CEMIP2: variants seen among roughly 807,000 people sequenced by gnomAD.
CEMIP2 encodes cell migration inducing hyaluronidase 2.
CEMIP2 carries 79 observed loss-of-function variants against 146.9 expected under a neutral mutation model. That is an observed-to-expected ratio of 0.54 (90% CI 0.45 to 0.65). The LOEUF (loss-of-function observed/expected upper bound fraction) is 0.65. CEMIP2 is among the 30% of genes least tolerant of loss of function. CEMIP2 has a pLI of 0.00. For synonymous variants in CEMIP2, 601 were observed against 606.3 expected (o/e 0.99, Z 0.13); for missense variants, 1,596 against 1,696.2 (o/e 0.94, Z 1.04).
rs1554684773 is a variant in CEMIP2 at position 71,728,293 on chromosome 9, A to ATG, written c.2049+1551_2049+1552insCA. On this transcript the variant is annotated intron_variant, in intron 10 of 23. Transcript: ENST00000377044. Reference sequence around the variant, plus strand: ...TATATATATATATGTATATATATATATATATATACATATATATATATATAC... The same window carrying ATG: ...TATATATATATATGTATATATATATATGTATATATACATATATATATATATAC... Among the ~76,000 whole-genome samples, 39 of 39,572 alleles carry ATG rather than the reference A, an allele frequency of 9.9e-4. 6 individuals are homozygous for ATG. The highest frequency in any genetic ancestry group is 3.4e-3 in the African/African-American group (36 of 10,666). The allele number at this position is 39,572 out of a possible 152,430, so 26.0% of individuals were successfully genotyped here.
intron 4 of CEMIP2, among the ~76,000 whole-genome samples, chr9:71,743,465 T>C (rs770287456): frequency 6.6e-6 from 1 of 152,238 alleles, no homozygotes; most frequent in Non-Finnish European, 1.5e-5. Flanking sequence ...CTTTGAGGTT[T>C]TGCACATGGA....
At chr9:71,734,208 G>GGTTTTTTTTTTTT (rs374206725) in intron 6 of CEMIP2, among the ~76,000 whole-genome samples, 1 of 144,132 alleles carries the variant, frequency 6.9e-6, no homozygotes. Flanking sequence ...ATGAGTTTTT[G>GGTTTTTTTTTTTT]TTTTTGTTTT....
intron 10 of CEMIP2, among the ~76,000 whole-genome samples, chr9:71,728,662 G>A (rs1486271824): frequency 6.6e-6 from 1 of 151,726 alleles, no homozygotes; most frequent in Non-Finnish European, 1.5e-5. Context: ...AACGAGTTTT[G>A]CTGCTTTCCC....
intron 5 of CEMIP2, among the ~76,000 whole-genome samples, chr9:71,737,200 C>G (rs1823787559): frequency 7.0e-6 from 1 of 141,868 alleles, no homozygotes; most frequent in South Asian, 2.6e-4. Context: ...AGTCTGTAAT[C>G]CCAGCACTTT....
At chr9:71,713,191 C>T (rs12551622) in intron 15 of CEMIP2, among the ~76,000 whole-genome samples, 21,739 of 152,072 alleles carry the variant, frequency 0.14, 1,631 homozygotes, top group Admixed American at 0.18. Context: ...GTGGGAGGGA[C>T]CCAGCGGGAG....
At chr9:71,723,136 G>GGAAA (rs562543367) in intron 11 of CEMIP2, among the ~76,000 whole-genome samples, 3,236 of 104,212 alleles carry the variant, frequency 0.031, 76 homozygotes, top group Middle Eastern at 0.044. Flanking sequence ...AACAGCCAAA[G>GGAAA]AAAAAAAAAA....
At chr9:71,699,592 C>T (rs1003162460) in intron 19 of CEMIP2, 2 of 323,024 alleles carry the variant, frequency 6.2e-6, no homozygotes, top group South Asian at 2.5e-5. Context: ...TATTTAAAGG[C>T]TAACCAGGCA....
intron 1 of CEMIP2, among the ~76,000 whole-genome samples, chr9:71,762,503 C>CAAAAAA (rs58090104): frequency 0.061 from 4,795 of 78,650 alleles, 406 homozygotes; most frequent in East Asian, 0.14. Flanking sequence ...GCCCCGTCAC[C>CAAAAAA]AAAAAAAAAA....
At chr9:71,692,922 C>T (rs1459999189) in intron 21 of CEMIP2, among the ~76,000 whole-genome samples, 1 of 80,906 alleles carries the variant, frequency 1.2e-5, no homozygotes, top group Admixed American at 1.5e-4. Context: ...AACAAACAAA[C>T]GACAACAACA....
At chr9:71,725,397 G>A (rs1823353387) in intron 11 of CEMIP2, among the ~76,000 whole-genome samples, 184 bp downstream of exon 11, 1 of 152,126 alleles carries the variant, frequency 6.6e-6, no homozygotes, top group African/African-American at 2.4e-5. Context: ...ACCAAATGCT[G>A]TCCCCTTGAT....
chr9:71,739,772 T>G (rs531587001), intron 5 of CEMIP2, among the ~76,000 whole-genome samples: 59 of 152,304 alleles, frequency 3.9e-4, no homozygotes, highest in African/African-American at 1.4e-3. Context: ...TGAGATTTTT[T>G]TTTTAGCCCA....
At chr9:71,733,417 A>C (rs1164523868) in intron 6 of CEMIP2, among the ~76,000 whole-genome samples, 1 of 152,160 alleles carries the variant, frequency 6.6e-6, no homozygotes, top group East Asian at 1.9e-4. Context: ...TTAATGCCAG[A>C]TGGTATCATA....
intron 18 of CEMIP2, among the ~76,000 whole-genome samples, chr9:71,703,330 G>A (rs1276158361): frequency 1.3e-5 from 2 of 152,154 alleles, no homozygotes; most frequent in African/African-American, 2.4e-5. Flanking sequence ...GTGTGGGTGG[G>A]GCACAGAGGG....
chr9:71,761,044 C>G (rs933036005), intron 1 of CEMIP2, among the ~76,000 whole-genome samples: 1 of 152,244 alleles, frequency 6.6e-6, no homozygotes, highest in Admixed American at 6.5e-5. Flanking sequence ...TCAAGAGAGG[C>G]TTCCAACCTG....
intron 12 of CEMIP2, 35 bp downstream of exon 12, chr9:71,722,392 A>G: frequency 6.5e-7 from 1 of 1,548,322 alleles, no homozygotes; most frequent in Non-Finnish European, 8.8e-7. Flanking sequence ...TTGGCAAAGT[A>G]TAGCTTGAGT....
intron 1 of CEMIP2, among the ~76,000 whole-genome samples, chr9:71,750,608 A>ATT (rs560628836): frequency 4.9e-4 from 69 of 141,148 alleles, no homozygotes; most frequent in East Asian, 2.5e-3. Flanking sequence ...CGCCCAGCTA[A>ATT]TTTTTTTTTT....
intron 10 of CEMIP2, among the ~76,000 whole-genome samples, chr9:71,728,633 G>T (rs1823520359): frequency 2.6e-5 from 4 of 151,846 alleles, no homozygotes; most frequent in Non-Finnish European, 5.9e-5. Flanking sequence ...TTATTCTCAT[G>T]TGTGTTTTAA....
chr9:71,751,491 G>A (rs1824252771), intron 1 of CEMIP2, among the ~76,000 whole-genome samples: 1 of 152,114 alleles, frequency 6.6e-6, no homozygotes, highest in Non-Finnish European at 1.5e-5. Flanking sequence ...GCTTTTAAAT[G>A]CTCCCCAAGT....
In CEMIP2 at chr9:71,684,958, G is replaced by A; in HGVS notation, c.*239C>T. ...CGGGGGTGGAAAGTGAGGAATAAGAGATCTGCTCTCTGAATACACCAGCCT... is the reference window on the plus strand; with the variant it reads ...CGGGGGTGGAAAGTGAGGAATAAGAAATCTGCTCTCTGAATACACCAGCCT... On this transcript the variant is annotated 3_prime_UTR_variant, in exon 24 of 24. Coordinates refer to ENST00000377044, the MANE Select transcript of CEMIP2 (RefSeq NM_013390.3). The A allele has an allele frequency of 4.5e-6, 2 of 440,442 alleles. No individual in the cohort carries two copies. Among genetic ancestry groups the A allele is most frequent in the Admixed American group, 4.0e-5 (1 of 24,988 alleles). The allele number at this position is 440,442 out of a possible 1,614,324, so 27.3% of individuals were successfully genotyped here.
Sources: allele counts gnomAD v4.1 joint callset (sites outside exome capture counted in the v4.1 genomes callset), GRCh38; gene constraint gnomAD v4.1.1; transcripts MANE v1.5; gene names NCBI Gene and HGNC (gene_info 2026-07-23, HGNC 2026-07-21).